The following LYZL1 variants were observed in gnomAD, a reference collection of about 807,000 sequenced individuals.
LYZL1 encodes the protein lysozyme like 1.
Under a neutral mutation model 17.9 loss-of-function variants are expected in LYZL1, and 16 were observed. The observed-to-expected ratio is 0.90, with a 90% CI of 0.61 to 1.36. LYZL1 has a LOEUF of 1.36. LYZL1 is among the 40% of genes most tolerant of loss of function. The pLI is 0.00. For synonymous variants in LYZL1, 58 were observed against 71.8 expected, an observed-to-expected ratio of 0.81 and a Z score of 0.97; for missense variants, 149 against 188.4, an observed-to-expected ratio of 0.79 and a Z score of 1.22.
At position 29,289,084 on chromosome 10, in the gene LYZL1, C is replaced by T. The variant is rs772891124; in HGVS notation, c.-172C>T. 21 of 1,529,892 alleles carry T rather than the reference C, an allele frequency of 1.4e-5. No individual in the cohort carries two copies. In the South Asian group the frequency reaches 1.4e-4, roughly 10 times the overall value. The allele number at this position is 1,529,892 out of a possible 1,614,324, so 94.8% of individuals were successfully genotyped here. A position where few individuals can be genotyped will look rare whatever the true frequency, so the allele number is the denominator to read the frequency against. ...GTTCTTGAGCTAGGAAAGGATTACT[C>T]GCGCCTCGTTAGAATCAGACATGGC... is the stretch of plus-strand genomic sequence containing the variant. On this transcript the variant is annotated 5_prime_UTR_variant, in exon 1 of 5. Transcript: ENST00000649382.
intron 3 of LYZL1, among the ~76,000 whole-genome samples, chr10:29,299,931 C>T (rs1458809781): frequency 6.6e-6 from 1 of 152,170 alleles, no homozygotes; most frequent in Non-Finnish European, 1.5e-5. Context: ...CAAATGTTTG[C>T]CTAAAAGGCC....
At chr10:29,302,560 C>T (rs1215819082) in intron 3 of LYZL1, among the ~76,000 whole-genome samples, 1 of 152,206 alleles carries the variant, frequency 6.6e-6, no homozygotes, top group Non-Finnish European at 1.5e-5. Flanking sequence ...TCGCATGTCT[C>T]ATTAGCATCT....
chr10:29,291,170 T>A (rs543390341), intron 1 of LYZL1, among the ~76,000 whole-genome samples: 2 of 152,332 alleles, frequency 1.3e-5, no homozygotes, highest in East Asian at 3.9e-4. Flanking sequence ...GAAGCCTTAC[T>A]GATAACATAA....
intron 3 of LYZL1, among the ~76,000 whole-genome samples, chr10:29,293,977 AAAAAAAAGAAAG>A (rs1469274349): frequency 6.6e-6 from 1 of 152,146 alleles, no homozygotes; most frequent in Admixed American, 6.5e-5. Flanking sequence ...CTGTCTCAAA[AAAAAAAAGAAAG>A]AAAAAAAGAA....
downstream of LYZL1, among the ~76,000 whole-genome samples, chr10:29,311,755 A>G (rs1835675522): frequency 6.6e-6 from 1 of 151,958 alleles, no homozygotes; most frequent in African/African-American, 2.4e-5. Context: ...AAGTGGGTGG[A>G]TCACTTGAAG....
At chr10:29,305,541 C>G (rs1835577983) in intron 3 of LYZL1, among the ~76,000 whole-genome samples, 2 of 152,120 alleles carry the variant, frequency 1.3e-5, no homozygotes, top group South Asian at 4.1e-4. Flanking sequence ...ATGTGCCTGA[C>G]ATAGAGTAAG....
chr10:29,310,118 A>G lies in LYZL1; in HGVS notation c.307A>G (p.Thr103Ala), dbSNP rs758834336. 1.2e-6 allele frequency: 2 copies of G among 1,610,752 alleles called. No individual in the cohort carries two copies. Among genetic ancestry groups the G allele is most frequent in the East Asian group, 4.5e-5 (2 of 44,856 alleles). Residue 103 changes from threonine (T) to alanine (A), a missense_variant, in exon 4 of 5, where the codon ACT (threonine) becomes GCT (alanine). Coordinates refer to ENST00000649382, the MANE Select transcript of LYZL1 (RefSeq NM_032517.6). ...HCHVACSALI[T>A]DDLTDAIICA... ...TCTTCTCTCTTTTACAGCCTTGATC[A>G]CTGATGACCTCACAGATGCAATTAT...
chr10:29,295,499 G>A (rs947275536), intron 3 of LYZL1, among the ~76,000 whole-genome samples: 1 of 152,090 alleles, frequency 6.6e-6, no homozygotes, highest in African/African-American at 2.4e-5. Flanking sequence ...TTAAATATGA[G>A]GATTAAATGT....
chr10:29,299,603 A>G (rs1053781228), intron 3 of LYZL1, among the ~76,000 whole-genome samples: 5 of 152,102 alleles, frequency 3.3e-5, no homozygotes, highest in African/African-American at 9.7e-5. Flanking sequence ...AAGCTTTGTT[A>G]TTAGGCACAT....
rs556241780 is a variant in LYZL1, at chr10:29,292,720, C to T, written c.298+43C>T. ...CAGTGATGCCATCCTCAGGACTAGG[C>T]GAGAAAGCCGACAATGGGATCACCA... is the stretch of plus-strand genomic sequence containing the variant. On this transcript the variant is annotated intron_variant, in intron 3 of 4. Coordinates refer to ENST00000649382, the MANE Select transcript of LYZL1 (RefSeq NM_032517.6). 5.5e-5 allele frequency: 86 copies of T among 1,571,608 alleles called. No individual in the cohort carries two copies. In the East Asian group the frequency reaches 6.3e-4, roughly 12 times the overall value.
At chr10:29,299,516 AGTGAGAGATAGATATTGAAATTT>A (rs1331729211) in intron 3 of LYZL1, among the ~76,000 whole-genome samples, 1 of 152,254 alleles carries the variant, frequency 6.6e-6, no homozygotes, top group Non-Finnish European at 1.5e-5. Flanking sequence ...ACTATCATAT[AGTGAGAGATAGATATTGAAATTT>A]GCAACTATCA....
At chr10:29,292,122 G>A (rs28544384) in intron 2 of LYZL1, 116 bp downstream of exon 2, 276,334 of 1,100,686 alleles carry the variant, frequency 0.25, 37,843 homozygotes, top group East Asian at 0.49. Context: ...TGCCCTCACC[G>A]CACTCAGGGG....
At chr10:29,316,361 A>C (rs2132844462) in intron 3 of LYZL1, among the ~76,000 whole-genome samples, 1 of 152,354 alleles carries the variant, frequency 6.6e-6, no homozygotes, top group East Asian at 1.9e-4. Flanking sequence ...CAGTAACAGG[A>C]GAAAGAGAAG....
chr10:29,316,232 C>T (rs1013658392), downstream of LYZL1, among the ~76,000 whole-genome samples: 2 of 152,180 alleles, frequency 1.3e-5, no homozygotes, highest in Non-Finnish European at 2.9e-5. Flanking sequence ...GTAATTCTTT[C>T]CCTCATTTTT....
chr10:29,290,546 C>T (rs752122574), intron 1 of LYZL1, among the ~76,000 whole-genome samples: 4 of 152,102 alleles, frequency 2.6e-5, no homozygotes, highest in Admixed American at 6.6e-5. Flanking sequence ...TAAGATAAAA[C>T]ACTCATGTTT....
chr10:29,312,179 A>T (rs1835681423), downstream of LYZL1, among the ~76,000 whole-genome samples: 1 of 152,130 alleles, frequency 6.6e-6, no homozygotes, highest in Admixed American at 6.5e-5. Context: ...TTTATGCCTA[A>T]ATCCTGCTGG....
At chr10:29,310,942 G>A in intron 4 of LYZL1, 48 bp from the exon 5 acceptor site, 1 of 1,614,038 alleles carries the variant, frequency 6.2e-7, no homozygotes, top group Non-Finnish European at 8.5e-7. Context: ...AAGACGGTTT[G>A]GATTGTCACG....
intron 3 of LYZL1, among the ~76,000 whole-genome samples, chr10:29,295,373 C>T (rs550394651): frequency 6.6e-6 from 1 of 152,222 alleles, no homozygotes; most frequent in Non-Finnish European, 1.5e-5. Context: ...GGTTTCTTAT[C>T]TTCTGAGCTA....
Position 29,293,127 on chromosome 10 carries a change from C to CTTTTTTTTT in LYZL1, c.298+456_298+457insTTTTTTTTT, listed in dbSNP as rs778807136. On this transcript the variant is annotated intron_variant, in intron 3 of 4. Transcript: ENST00000649382. ...TCTTTCTTTTTTTTTCTTTTCTTTTCTTTTTTCTTTTTTTTTTTTTTTTGA... is the reference window on the plus strand; with the variant it reads ...TCTTTCTTTTTTTTTCTTTTCTTTTCTTTTTTTTTTTTTTTCTTTTTTTTTTTTTTTTGA... Among the ~76,000 whole-genome samples the CTTTTTTTTT allele has an allele frequency of 5.9e-4, 61 of 104,182 alleles. 3 individuals are homozygous for CTTTTTTTTT. The highest frequency in any genetic ancestry group is 6.0e-3 in the Middle Eastern group (1 of 166). The allele number at this position is 104,182 out of a possible 152,430, so 68.3% of individuals were successfully genotyped here.
Sources: gnomAD v4.1 joint callset for allele counts (sites outside exome capture counted in the v4.1 genomes callset) on GRCh38, gnomAD v4.1.1 for gene constraint, MANE v1.5 for transcripts, NCBI Gene and HGNC (gene_info 2026-07-23, HGNC 2026-07-21) for gene names.